SMYD3: variants seen among roughly 807,000 people sequenced by gnomAD.
SMYD3 encodes histone-lysine N-methyltransferase SMYD3.
Under a neutral mutation model 57.7 loss-of-function variants are expected in SMYD3, and 36 were observed. The ratio of observed to expected loss-of-function variants is 0.62; its 90% confidence interval spans 0.48 to 0.82. The LOEUF (loss-of-function observed/expected upper bound fraction) is 0.82. Ranked by LOEUF, SMYD3 falls within the 40% of genes least tolerant of loss-of-function variation. SMYD3 has a pLI of 0.00. For missense variants in SMYD3, 515 were observed against 538.8 expected (o/e 0.96, Z 0.44); for synonymous variants, 211 against 195.0 (o/e 1.08, Z -0.68).
intron 5 of SMYD3, among the ~76,000 whole-genome samples, chr1:246,073,516 A>C (rs2060492858): frequency 6.6e-6 from 1 of 152,074 alleles, no homozygotes. Flanking sequence ...CAGGAGTTCA[A>C]GACCAGCCTG....
chr1:246,131,771 G>C (rs1402461056), intron 5 of SMYD3, among the ~76,000 whole-genome samples: 1 of 152,110 alleles, frequency 6.6e-6, no homozygotes, highest in African/African-American at 2.4e-5. Flanking sequence ...TCTAGAACTG[G>C]TTATTAAACA....
chr1:245,763,636 A>G (rs56332801), intron 11 of SMYD3, among the ~76,000 whole-genome samples: 16,541 of 152,030 alleles, frequency 0.11, 1,084 homozygotes, highest in East Asian at 0.32. Context: ...TGCCACACAG[A>G]TGGTCAAGGG....
chr1:246,370,414 T>C (rs1440899874), intron 1 of SMYD3, among the ~76,000 whole-genome samples: 4 of 152,166 alleles, frequency 2.6e-5, no homozygotes, highest in African/African-American at 4.8e-5. Flanking sequence ...CAGAGAATGG[T>C]AGGACTATTT....
chr1:245,984,098 C>G (rs2058655227), intron 5 of SMYD3, among the ~76,000 whole-genome samples: 1 of 150,478 alleles, frequency 6.6e-6, no homozygotes, highest in Non-Finnish European at 1.5e-5. Flanking sequence ...CTTCTGGGTT[C>G]AAGCGATTCT....
intron 5 of SMYD3, chr1:246,193,525 T>G (rs1392136393): frequency 1.3e-5 from 2 of 152,316 alleles, no homozygotes; most frequent in African/African-American, 4.8e-5. Flanking sequence ...TGGCCTGATC[T>G]ACAGAGACAG....
intron 5 of SMYD3, among the ~76,000 whole-genome samples, chr1:246,252,151 T>C (rs1295400532): frequency 2.9e-5 from 1 of 35,056 alleles, no homozygotes; most frequent in Non-Finnish European, 5.1e-5. Context: ...CCGGCTTTAG[T>C]AGGTGCCGCG....
At position 245,919,256 on chromosome 1, in the gene SMYD3, A is replaced by G. The variant is rs141573461; in HGVS notation, c.703-3616T>C. Among the ~76,000 whole-genome samples the G allele has an allele frequency of 9.8e-4, 150 of 152,306 alleles. 2 individuals carry two copies. The highest frequency in any genetic ancestry group is 3.5e-3 in the African/African-American group (146 of 41,564). The stretch of plus-strand genomic sequence containing the variant: ...TTTCTCACTGCCCTTGAATAAAGGC[A>G]CACAAGGATTTCCCTCAGCTGTTTT... On this transcript the variant is annotated intron_variant, in intron 7 of 11. Coordinates refer to ENST00000490107, the MANE Select transcript of SMYD3 (RefSeq NM_001167740.2).
At chr1:246,146,464 C>G (rs1362381901) in intron 5 of SMYD3, among the ~76,000 whole-genome samples, 5 of 152,156 alleles carry the variant, frequency 3.3e-5, no homozygotes, top group Non-Finnish European at 1.5e-5. Flanking sequence ...CCAAACAAAC[C>G]TCCTTCTCCG....
chr1:246,263,486 T>TA (rs1420912708), intron 5 of SMYD3, among the ~76,000 whole-genome samples: 1 of 152,320 alleles, frequency 6.6e-6, no homozygotes, highest in East Asian at 1.9e-4. Flanking sequence ...ACCTTCTTTT[T>TA]ACTGTCTAAC....
Position 246,507,082 on chromosome 1 carries a change from C to A in SMYD3, c.136G>T (p.Gly46Cys). 1 of 1,518,852 alleles carries A rather than the reference C, an allele frequency of 6.6e-7. No individual in the cohort carries two copies. Among genetic ancestry groups the A allele is most frequent in the Non-Finnish European group, 8.8e-7 (1 of 1,133,060 alleles). 94.1% of individuals were successfully genotyped at this position (1,518,852 alleles called of 1,614,324 possible). A position where few individuals can be genotyped will look rare whatever the true frequency, so the allele number is the denominator to read the frequency against. ...LAYTVCKGSR[G>C]VVCDRCLLGK... The stretch of plus-strand genomic sequence containing the variant: ...AGAAGGCAGCGGTCGCAGACGACGC[C>A]ACGACTCCCCTTGCACACCGTGTAC... Residue 46 changes from glycine (G) to cysteine (C), a missense_variant, in exon 1 of 12, where the codon GGC becomes TGC. Coordinates refer to ENST00000490107, the MANE Select transcript of SMYD3 (RefSeq NM_001167740.2).
At position 246,282,385 on chromosome 1, in the gene SMYD3, G is replaced by C. The variant is rs143468689; in HGVS notation, c.531+44816C>G. Among the ~76,000 whole-genome samples, 736 of 144,548 alleles carry C rather than the reference G, an allele frequency of 5.1e-3. 3 individuals are homozygous for C. The highest frequency in any genetic ancestry group is 7.4e-3 in the Middle Eastern group (2 of 270). The allele number at this position is 144,548 out of a possible 152,430, so 94.8% of individuals were successfully genotyped here. A position where few individuals can be genotyped will look rare whatever the true frequency, so the allele number is the denominator to read the frequency against. ...GTGGTGTTGCCCACCTGTAGGCCCA[G>C]CTACTCAAAAGGCTGAGATGGAAGG... On this transcript the variant is annotated intron_variant, in intron 5 of 11. Transcript: ENST00000490107.
At chr1:246,272,264 C>T (rs2064237816) in intron 5 of SMYD3, among the ~76,000 whole-genome samples, 1 of 152,008 alleles carries the variant, frequency 6.6e-6, no homozygotes, top group South Asian at 2.1e-4. Flanking sequence ...AATTTGTGTG[C>T]CTTTTATTTC....
chr1:245,864,965 T>C (rs767199034), intron 8 of SMYD3, among the ~76,000 whole-genome samples: 12 of 152,200 alleles, frequency 7.9e-5, no homozygotes, highest in South Asian at 4.1e-4. Context: ...TGAGCTACCA[T>C]GTATGAAATG....
chr1:246,269,819 T>G (rs2064184241), intron 5 of SMYD3, among the ~76,000 whole-genome samples: 1 of 152,128 alleles, frequency 6.6e-6, no homozygotes, highest in Non-Finnish European at 1.5e-5. Flanking sequence ...GTGATATTCC[T>G]GCCTCAGCCT....
intron 1 of SMYD3, among the ~76,000 whole-genome samples, chr1:246,408,358 G>A (rs937018445): frequency 3.9e-5 from 6 of 152,198 alleles, no homozygotes; most frequent in South Asian, 2.1e-4. Flanking sequence ...GTGTGTGTGC[G>A]TGCATGTGCA....
intron 5 of SMYD3, among the ~76,000 whole-genome samples, chr1:245,982,045 G>C (rs74739682): frequency 6.6e-6 from 1 of 152,224 alleles, no homozygotes; most frequent in Non-Finnish European, 1.5e-5. Flanking sequence ...TCTTTACATA[G>C]CCCAGAGACA....
At position 246,385,903 on chromosome 1, in the gene SMYD3, CT is replaced by C. The variant is rs890515472; in HGVS notation, c.165-30810del. ...TAGGAAGGCAGTAGAACACATACAC[CT>C]TTTTTTTTTTCCGCCACTCTTTCGC... is the stretch of plus-strand genomic sequence containing the variant. On this transcript the variant is annotated intron_variant, in intron 1 of 11. Transcript: ENST00000490107. Among the ~76,000 whole-genome samples, 134 of 147,496 alleles carry C rather than the reference CT, an allele frequency of 9.1e-4. No homozygotes were observed. The East Asian group carries it at 0.01, about 11-fold the overall frequency.
chr1:246,023,506 T>C (rs1022592382), intron 5 of SMYD3, among the ~76,000 whole-genome samples: 3 of 152,150 alleles, frequency 2.0e-5, no homozygotes, highest in African/African-American at 4.8e-5. Context: ...TTCTTTCCCA[T>C]TTTCCAAAAT....
intron 5 of SMYD3, among the ~76,000 whole-genome samples, chr1:245,948,629 G>T (rs1021626133): frequency 1.1e-4 from 8 of 70,884 alleles, no homozygotes; most frequent in African/African-American, 4.1e-4. Flanking sequence ...CCACCAGGCA[G>T]CATCCTGCCC....
Sources: allele counts gnomAD v4.1 joint callset (sites outside exome capture counted in the v4.1 genomes callset), GRCh38; gene constraint gnomAD v4.1.1; transcripts MANE v1.5; gene names NCBI Gene and HGNC (gene_info 2026-07-23, HGNC 2026-07-21).